SCLT1: variants seen among roughly 807,000 people sequenced by gnomAD.
SCLT1 encodes the protein sodium channel and clathrin linker 1.
SCLT1 carries 78 observed loss-of-function variants against 112.8 expected under a neutral mutation model. The ratio of observed to expected loss-of-function variants is 0.69; its 90% CI spans 0.58 to 0.83. The LOEUF is 0.83. Ranked by LOEUF, SCLT1 falls within the 40% of genes least tolerant of loss-of-function variation. The pLI is 0.00. For missense variants in SCLT1, 747 were observed against 770.4 expected, an observed-to-expected ratio of 0.97 and a Z score of 0.36; for synonymous variants, 257 against 254.7, an observed-to-expected ratio of 1.01 and a Z score of -0.09.
At chr4:128,953,088 C>T (rs555842268) in intron 13 of SCLT1, among the ~76,000 whole-genome samples, 1 of 151,700 alleles carries the variant, frequency 6.6e-6, no homozygotes, top group Non-Finnish European at 1.5e-5. Context: ...CTTTTACCCA[C>T]AATTAAAAAA....
At chr4:129,028,587 T>A (rs1457993759) in intron 5 of SCLT1, among the ~76,000 whole-genome samples, 1 of 152,146 alleles carries the variant, frequency 6.6e-6, no homozygotes, top group African/African-American at 2.4e-5. Context: ...GAAGAAAACC[T>A]ATGCATTACC....
chr4:128,960,909 A>AGAGC (rs1480038368), intron 11 of SCLT1, among the ~76,000 whole-genome samples: 33 of 129,298 alleles, frequency 2.6e-4, no homozygotes, highest in Non-Finnish European at 4.8e-4. Context: ...CCTGGGCGAC[A>AGAGC]GAGCGAGACT....
intron 9 of SCLT1, 30 bp downstream of exon 9, chr4:128,992,137 T>C (rs1345411229): frequency 6.4e-6 from 9 of 1,399,506 alleles, no homozygotes; most frequent in Non-Finnish European, 9.0e-6. Flanking sequence ...TAATTAACAA[T>C]GAAATAATGA....
intron 5 of SCLT1, among the ~76,000 whole-genome samples, chr4:129,006,252 A>T (rs1744006456): frequency 6.6e-6 from 1 of 152,142 alleles, no homozygotes; most frequent in Admixed American, 6.6e-5. Flanking sequence ...GGGTCTTAAA[A>T]TTTTTAGCCA....
chr4:128,970,368 T>C lies in SCLT1; in HGVS notation c.777+10A>G, dbSNP rs776584563. 2.2e-5 allele frequency: 33 copies of C among 1,490,854 alleles called. No individual in the cohort carries two copies. Among genetic ancestry groups the C allele is most frequent in the Non-Finnish European group, 2.9e-5 (31 of 1,069,786 alleles). The allele number at this position is 1,490,854 out of a possible 1,614,324, so 92.4% of individuals were successfully genotyped here. A position where few individuals can be genotyped will look rare whatever the true frequency, so the allele number is the denominator to read the frequency against. ...AATAGGTACCCATTTGTCTTAGAAATAGAAAATACCTTCTTTTTCATCTGT... is the reference window on the plus strand; with the variant it reads ...AATAGGTACCCATTTGTCTTAGAAACAGAAAATACCTTCTTTTTCATCTGT... On this transcript the variant is annotated intron_variant, in intron 10 of 20. Coordinates refer to ENST00000281142, the MANE Select transcript of SCLT1 (RefSeq NM_144643.4).
chr4:128,879,862 T>G (rs958193817), downstream of SCLT1, among the ~76,000 whole-genome samples: 1 of 152,310 alleles, frequency 6.6e-6, no homozygotes, highest in African/African-American at 2.4e-5. Context: ...ATGTAAATAT[T>G]AAAGATTTCC....
intron 8 of SCLT1, among the ~76,000 whole-genome samples, chr4:128,997,005 T>C (rs1743066758): frequency 6.6e-6 from 1 of 152,022 alleles, no homozygotes; most frequent in Admixed American, 6.6e-5. Context: ...AAAAAATGCC[T>C]TTCTTAATTA....
chr4:129,075,999 T>C (rs1376198788), intron 2 of SCLT1, among the ~76,000 whole-genome samples: 1 of 152,156 alleles, frequency 6.6e-6, no homozygotes, highest in Non-Finnish European at 1.5e-5. Context: ...CCAGCTGGAA[T>C]GTTACTACCT....
rs184966691 is a variant in SCLT1, at chr4:128,874,127, T to C, written n.407+288A>G. On this transcript the variant is annotated intron_variant and non_coding_transcript_variant, in intron 5 of 7. Transcript: ENST00000503565. ...GCAGATAATAGAAGGTTCTTATGAA[T>C]CCAAGTTGTATATTCACTTGTAGGA... 2.6e-5 allele frequency: 4 copies of C among 152,754 alleles called. No individual in the cohort carries two copies. The East Asian group carries it at 7.7e-4, about 30-fold the overall frequency. The allele number at this position is 152,754 out of a possible 1,614,324, so 9.5% of individuals were successfully genotyped here.
At chr4:129,083,030 A>T (rs1752078872) in intron 1 of SCLT1, among the ~76,000 whole-genome samples, 1 of 151,986 alleles carries the variant, frequency 6.6e-6, no homozygotes, top group Non-Finnish European at 1.5e-5. Context: ...CATCTCTACT[A>T]AAACTACAAA....
At chr4:129,036,962 G>T (rs1323242123) in intron 5 of SCLT1, 1 of 151,874 alleles carries the variant, frequency 6.6e-6, no homozygotes, top group East Asian at 1.9e-4. Flanking sequence ...AAAAAATGAT[G>T]TATCAGATTT....
intron 1 of SCLT1, among the ~76,000 whole-genome samples, chr4:129,084,310 A>G (rs1049362448): frequency 4.6e-5 from 7 of 152,222 alleles, no homozygotes; most frequent in African/African-American, 1.7e-4. Context: ...ACATACTTAA[A>G]AATCAATCAT....
At chr4:128,958,390 C>G (rs980986569) in intron 12 of SCLT1, among the ~76,000 whole-genome samples, 1 of 152,088 alleles carries the variant, frequency 6.6e-6, no homozygotes, top group African/African-American at 2.4e-5. Context: ...TTTGAACAAG[C>G]AACTGAAGAT....
At chr4:128,946,188 G>A (rs1738148104) in intron 15 of SCLT1, 36 bp from the exon 16 acceptor site, 2 of 1,424,100 alleles carry the variant, frequency 1.4e-6, no homozygotes, top group Non-Finnish European at 1.9e-6. Context: ...TAATATTACA[G>A]AAGAAACTGT....
At chr4:129,073,058 T>C (rs1024609508) in intron 2 of SCLT1, among the ~76,000 whole-genome samples, 1 of 152,178 alleles carries the variant, frequency 6.6e-6, no homozygotes, top group African/African-American at 2.4e-5. Flanking sequence ...CTATCTGTAG[T>C]GATTGCTATC....
downstream of SCLT1, among the ~76,000 whole-genome samples, chr4:128,882,460 C>T (rs982890539): frequency 6.6e-6 from 1 of 152,180 alleles, no homozygotes; most frequent in African/African-American, 2.4e-5. Flanking sequence ...TGTTATGACC[C>T]TCTCATTTCT....
At chr4:128,875,371 T>A (rs1309722845) in intron 4 of SCLT1, 16 of 152,422 alleles carry the variant, frequency 1.0e-4, no homozygotes, top group Admixed American at 1.0e-3. Flanking sequence ...GAGCACAGAT[T>A]CACTGGGCTG....
intron 2 of SCLT1, among the ~76,000 whole-genome samples, chr4:129,046,018 G>C (rs1748142724): frequency 6.6e-6 from 1 of 152,066 alleles, no homozygotes; most frequent in African/African-American, 2.4e-5. Flanking sequence ...GTAAGAATGA[G>C]TAGATGAAAG....
chr4:129,067,057 G>C lies in SCLT1; in HGVS notation c.102+15249C>G, dbSNP rs150006898. ...CAAAAAGTTAAGAACTGACACAATTGGGTGGTAGGTACACAGGTATTAGTT... is the reference window on the plus strand; with the variant it reads ...CAAAAAGTTAAGAACTGACACAATTCGGTGGTAGGTACACAGGTATTAGTT... On this transcript the variant is annotated intron_variant, in intron 2 of 20. Coordinates refer to ENST00000281142, the MANE Select transcript of SCLT1 (RefSeq NM_144643.4). 2.1e-3 allele frequency among the ~76,000 whole-genome samples: 319 copies of C among 152,136 alleles called. 1 individual carries two copies. Among genetic ancestry groups the C allele is most frequent in the African/African-American group, 7.0e-3 (289 of 41,542 alleles).
Sources: gnomAD v4.1 joint callset for allele counts (sites outside exome capture counted in the v4.1 genomes callset) on GRCh38, gnomAD v4.1.1 for gene constraint, MANE v1.5 for transcripts, NCBI Gene and HGNC (gene_info 2026-07-23, HGNC 2026-07-21) for gene names.